The following MSH3 variants were observed in gnomAD, a reference collection of about 807,000 sequenced individuals.
MSH3 encodes mutS homolog 3.
MSH3 carries 106 observed loss-of-function variants against 123.3 expected under a neutral mutation model. The ratio of observed to expected loss-of-function variants is 0.86; its 90% CI spans 0.73 to 1.01. The LOEUF (loss-of-function observed/expected upper bound fraction) is 1.01. Ranked by LOEUF, MSH3 falls within the 50% of genes least tolerant of loss-of-function variation. The pLI, the probability that MSH3 is intolerant of heterozygous loss-of-function variation, is 0.00. For missense variants in MSH3, 1,459 were observed against 1,347.6 expected, an observed-to-expected ratio of 1.08 and a Z score of -1.29; for synonymous variants, 515 against 481.4, an observed-to-expected ratio of 1.07 and a Z score of -0.91.
chr5:80,770,270 AT>A (rs62892161), intron 15 of MSH3, among the ~76,000 whole-genome samples: 52,840 of 143,978 alleles, frequency 0.37, 9,395 homozygotes, highest in East Asian at 0.58. Context: ...TTTCTACTAC[AT>A]TTTTTTTTTT....
intron 12 of MSH3, chr5:80,746,861 A>G (rs554360685): frequency 4.2e-4 from 92 of 221,174 alleles, no homozygotes; most frequent in African/African-American, 2.0e-3. Flanking sequence ...GGCTCATGAG[A>G]GCAGGGCGAC....
intron 19 of MSH3, among the ~76,000 whole-genome samples, chr5:80,803,006 G>T (rs1744819297): frequency 6.6e-6 from 1 of 152,008 alleles, no homozygotes; most frequent in African/African-American, 2.4e-5. Context: ...CCAGATCTTG[G>T]CTATTGTGAA....
At chr5:80,757,347 T>C (rs1463599755) in intron 12 of MSH3, among the ~76,000 whole-genome samples, 1 of 152,078 alleles carries the variant, frequency 6.6e-6, no homozygotes, top group African/African-American at 2.4e-5. Flanking sequence ...CTATACAAAA[T>C]TATCTTAAGT....
chr5:80,754,502 C>A (rs1163112280), intron 12 of MSH3, among the ~76,000 whole-genome samples: 1 of 152,086 alleles, frequency 6.6e-6, no homozygotes, highest in Non-Finnish European at 1.5e-5. Flanking sequence ...GGAAGAGATA[C>A]AAGTAGTGGA....
At chr5:80,817,601 C>G (rs970806984) in intron 20 of MSH3, among the ~76,000 whole-genome samples, 2 of 151,840 alleles carry the variant, frequency 1.3e-5, no homozygotes, top group Non-Finnish European at 2.9e-5. Context: ...TTTGGAGGAT[C>G]CTAGAATGAA....
chr5:80,687,903 G>A (rs1053298126), intron 8 of MSH3, among the ~76,000 whole-genome samples: 1 of 152,130 alleles, frequency 6.6e-6, no homozygotes, highest in African/African-American at 2.4e-5. Context: ...ATCAGATCAA[G>A]GAGCTTAGAG....
chr5:80,746,973 C>A (rs1743732748), intron 12 of MSH3, among the ~76,000 whole-genome samples: 1 of 152,140 alleles, frequency 6.6e-6, no homozygotes, highest in South Asian at 2.1e-4. Context: ...ACTCCGATTT[C>A]TTTTCTTAGC....
intron 20 of MSH3, among the ~76,000 whole-genome samples, chr5:80,837,993 A>C (rs1204963664): frequency 6.6e-6 from 1 of 152,220 alleles, no homozygotes; most frequent in Non-Finnish European, 1.5e-5. Flanking sequence ...GGATGCTTGC[A>C]GATCACATGG....
intron 17 of MSH3, among the ~76,000 whole-genome samples, chr5:80,784,238 AAG>A (rs1467519660): frequency 0.13 from 14,643 of 109,740 alleles, 4,703 homozygotes; most frequent in East Asian, 0.17. Flanking sequence ...AAAAAAAAAA[AAG>A]GGAAATAAAT....
At chr5:80,766,014 A>G (rs1015356947) in intron 13 of MSH3, among the ~76,000 whole-genome samples, 6 of 152,056 alleles carry the variant, frequency 3.9e-5, no homozygotes, top group African/African-American at 1.2e-4. Flanking sequence ...CATTTCTACT[A>G]TTATGCTTTA....
chr5:80,846,364 G>A (rs1745720936), intron 20 of MSH3, among the ~76,000 whole-genome samples: 1 of 151,562 alleles, frequency 6.6e-6, no homozygotes, highest in Admixed American at 6.6e-5. Context: ...GGGGTTTTGG[G>A]ACCCGCTTGA....
intron 8 of MSH3, among the ~76,000 whole-genome samples, chr5:80,709,101 T>C (rs1268533867): frequency 2.0e-5 from 3 of 151,978 alleles, no homozygotes; most frequent in Admixed American, 6.6e-5. Flanking sequence ...TCAGAAGTTA[T>C]TGTATTTATC....
chr5:80,736,997 T>A (rs1743521292), intron 10 of MSH3, among the ~76,000 whole-genome samples: 2 of 152,224 alleles, frequency 1.3e-5, no homozygotes, highest in Non-Finnish European at 2.9e-5. Context: ...CTGGCAGTGG[T>A]CTTGTAGACT....
intron 20 of MSH3, among the ~76,000 whole-genome samples, chr5:80,834,001 T>G (rs1745464264): frequency 6.6e-6 from 1 of 152,202 alleles, no homozygotes. Flanking sequence ...TAAAGGAAAT[T>G]AACAGGAAAT....
intron 5 of MSH3, among the ~76,000 whole-genome samples, 175 bp from the exon 6 acceptor site, chr5:80,672,566 A>G (rs190019727): frequency 4.6e-5 from 7 of 152,326 alleles, no homozygotes; most frequent in Admixed American, 1.3e-4. Context: ...TTTAAACTCT[A>G]TGATAGTGTT....
intron 17 of MSH3, among the ~76,000 whole-genome samples, chr5:80,779,449 C>CT (rs1744369619): frequency 2.0e-5 from 3 of 152,076 alleles, no homozygotes; most frequent in Admixed American, 6.6e-5. Context: ...CATTGTAACA[C>CT]TTTACCCCTA....
At position 80,672,376 on chromosome 5, in the gene MSH3, A is replaced by G; in HGVS notation, c.909+16A>G. The G allele has an allele frequency of 6.4e-7, 1 of 1,572,592 alleles. No homozygotes were observed. Among genetic ancestry groups the G allele is most frequent in the Non-Finnish European group, 8.8e-7 (1 of 1,142,232 alleles). ...AGGATATAAGGTCAGCTTTGGCTTT[A>G]ACTTGTGGGGAAAGGAAATTGGGAT... On this transcript the variant is annotated intron_variant, in intron 5 of 23. Coordinates refer to ENST00000265081, the MANE Select transcript of MSH3 (RefSeq NM_002439.5).
At chr5:80,754,014 A>G (rs1017718600) in intron 12 of MSH3, among the ~76,000 whole-genome samples, 5 of 152,218 alleles carry the variant, frequency 3.3e-5, no homozygotes, top group Non-Finnish European at 7.3e-5. Flanking sequence ...AGAAATGTTT[A>G]GTGAATACCT....
chr5:80,870,425 C>G (rs922945194), intron 22 of MSH3, among the ~76,000 whole-genome samples: 1 of 152,054 alleles, frequency 6.6e-6, no homozygotes, highest in Non-Finnish European at 1.5e-5. Flanking sequence ...TAAGAAATGG[C>G]TTTTTTTGAT....
Sources: gnomAD v4.1 joint callset for allele counts (sites outside exome capture counted in the v4.1 genomes callset) on GRCh38, gnomAD v4.1.1 for gene constraint, MANE v1.5 for transcripts, NCBI Gene and HGNC (gene_info 2026-07-23, HGNC 2026-07-21) for gene names.